GALNT17: variants seen among roughly 807,000 people sequenced by gnomAD.
The protein encoded by GALNT17 is UDP-GalNAc:polypeptide N-acetylgalactosaminyltransferase-like 3.
A neutral mutation model predicts 63.7 loss-of-function variants in GALNT17; 29 were observed. That is an observed-to-expected ratio of 0.46 (90% CI 0.34 to 0.62). The LOEUF (loss-of-function observed/expected upper bound fraction) is 0.62. Ranked by LOEUF, GALNT17 falls within the 20% of genes least tolerant of loss-of-function variation. GALNT17 has a pLI of 0.01. For missense variants in GALNT17, 603 were observed against 799.6 expected, an observed-to-expected ratio of 0.75 and a Z score of 2.97; for synonymous variants, 305 against 318.3, an observed-to-expected ratio of 0.96 and a Z score of 0.45.
chr7:71,265,115 TATA>T lies in GALNT17; in HGVS notation c.239-70434_239-70432del, dbSNP rs1254459672. 5.1e-3 allele frequency among the ~76,000 whole-genome samples: 263 copies of T among 51,668 alleles called. 4 individuals are homozygous for T. Among genetic ancestry groups the T allele is most frequent in the African/African-American group, 0.014 (233 of 16,790 alleles). The allele number at this position is 51,668 out of a possible 152,430, so 33.9% of individuals were successfully genotyped here. ...CATAAATATTATATATATATATATA[TATA>T]TTTTTTTTTTTTTTTTTTTTTTTTT... On this transcript the variant is annotated intron_variant, in intron 1 of 10. Coordinates refer to ENST00000333538, the MANE Select transcript of GALNT17 (RefSeq NM_022479.3).
At chr7:71,197,793 G>C (rs1027270272) in intron 1 of GALNT17, among the ~76,000 whole-genome samples, 1 of 152,136 alleles carries the variant, frequency 6.6e-6, no homozygotes. Context: ...TCTTTTTAGG[G>C]CTGAATAGTA....
chr7:71,598,089 G>A (rs376039400), intron 6 of GALNT17, among the ~76,000 whole-genome samples: 4 of 151,816 alleles, frequency 2.6e-5, no homozygotes, highest in Admixed American at 6.6e-5. Flanking sequence ...GACTACAGGC[G>A]CACGCCACCA....
chr7:71,511,799 C>T (rs1232516340), intron 5 of GALNT17, among the ~76,000 whole-genome samples: 2 of 152,154 alleles, frequency 1.3e-5, no homozygotes, highest in African/African-American at 4.8e-5. Context: ...CAACAGACAT[C>T]TCTGATGCTG....
At chr7:71,537,138 A>C (rs1444560251) in intron 5 of GALNT17, among the ~76,000 whole-genome samples, 1 of 152,090 alleles carries the variant, frequency 6.6e-6, no homozygotes, top group Non-Finnish European at 1.5e-5. Flanking sequence ...TTTCTCCTAA[A>C]TTGATCTCTC....
chr7:71,548,397 C>A (rs1368723837), intron 5 of GALNT17, among the ~76,000 whole-genome samples: 4 of 152,262 alleles, frequency 2.6e-5, no homozygotes, highest in African/African-American at 9.6e-5. Context: ...AGGGGTTTGG[C>A]CTTGTGGCCA....
chr7:71,373,953 C>T (rs1792675085), intron 2 of GALNT17, among the ~76,000 whole-genome samples: 1 of 152,176 alleles, frequency 6.6e-6, no homozygotes, highest in South Asian at 2.1e-4. Context: ...TCCTTTTCCA[C>T]AGTTTTGTTA....
chr7:71,616,992 T>A (rs1790220144), intron 6 of GALNT17, among the ~76,000 whole-genome samples: 1 of 98,002 alleles, frequency 1.0e-5, no homozygotes, highest in South Asian at 3.0e-4. Context: ...TATATTAATA[T>A]ATAAATATAT....
intron 1 of GALNT17, among the ~76,000 whole-genome samples, chr7:71,308,935 G>T (rs1791360112): frequency 6.6e-6 from 1 of 151,828 alleles, no homozygotes; most frequent in African/African-American, 2.4e-5. Context: ...GTAGAGACGG[G>T]GTTTCACCAT....
chr7:71,615,364 C>T (rs1437323484), intron 6 of GALNT17, among the ~76,000 whole-genome samples: 3 of 151,874 alleles, frequency 2.0e-5, no homozygotes, highest in Non-Finnish European at 2.9e-5. Flanking sequence ...ACCTCCGAGT[C>T]ACTGATACTG....
chr7:71,230,472 T>C (rs1789767672), intron 1 of GALNT17, among the ~76,000 whole-genome samples: 1 of 152,100 alleles, frequency 6.6e-6, no homozygotes, highest in African/African-American at 2.4e-5. Context: ...CTTTCTCTTC[T>C]TTTCCACGCA....
intron 1 of GALNT17, among the ~76,000 whole-genome samples, chr7:71,328,043 T>G (rs1791734192): frequency 6.6e-6 from 1 of 152,262 alleles, no homozygotes; most frequent in East Asian, 1.9e-4. Context: ...GTCTTTCTCC[T>G]AGAGTATGCA....
At chr7:71,394,059 A>G (rs1369757827) in intron 3 of GALNT17, among the ~76,000 whole-genome samples, 1 of 152,180 alleles carries the variant, frequency 6.6e-6, no homozygotes, top group East Asian at 1.9e-4. Flanking sequence ...TCTACAAAGA[A>G]TACTTGAGTC....
chr7:71,134,937 A>G, intron 1 of GALNT17, among the ~76,000 whole-genome samples: 1 of 141,900 alleles, frequency 7.0e-6, no homozygotes. Flanking sequence ...CTGAAGCTTC[A>G]AACTCCTGGG....
At chr7:71,563,018 C>T (rs1259651095) in intron 5 of GALNT17, among the ~76,000 whole-genome samples, 1 of 152,176 alleles carries the variant, frequency 6.6e-6, no homozygotes, top group Non-Finnish European at 1.5e-5. Flanking sequence ...CGGGCTGCCA[C>T]CCTCTTCTCA....
At chr7:71,546,679 C>G (rs1308979715) in intron 5 of GALNT17, among the ~76,000 whole-genome samples, 1 of 152,204 alleles carries the variant, frequency 6.6e-6, no homozygotes, top group African/African-American at 2.4e-5. Context: ...CTCTTACTCA[C>G]CTAAAAGCAT....
chr7:71,292,672 T>A (rs4719102), intron 1 of GALNT17, among the ~76,000 whole-genome samples: 1,907 of 67,362 alleles, frequency 0.028, 21 homozygotes, highest in East Asian at 0.084. Context: ...AGAGAGAGTG[T>A]GTGTGTGTGT....
chr7:71,572,504 TAAAA>T (rs371372359), intron 6 of GALNT17, among the ~76,000 whole-genome samples: 1 of 44,500 alleles, frequency 2.2e-5, no homozygotes, highest in Non-Finnish European at 3.7e-5. Flanking sequence ...CCTGTCTCAT[TAAAA>T]AAAAAAAAAA....
At chr7:71,474,314 G>C (rs1052358997) in intron 5 of GALNT17, among the ~76,000 whole-genome samples, 2 of 151,956 alleles carry the variant, frequency 1.3e-5, no homozygotes, top group Non-Finnish European at 2.9e-5. Context: ...AATTTTTTTT[G>C]ACCTGTATCT....
chr7:71,578,860 C>A (rs1266537713), intron 6 of GALNT17, among the ~76,000 whole-genome samples: 1 of 152,090 alleles, frequency 6.6e-6, no homozygotes, highest in Non-Finnish European at 1.5e-5. Context: ...TCCATGTTAA[C>A]CAAGAGAGAT....
Sources: gnomAD v4.1 joint callset for allele counts (sites outside exome capture counted in the v4.1 genomes callset) on GRCh38, gnomAD v4.1.1 for gene constraint, MANE v1.5 for transcripts, NCBI Gene and HGNC (gene_info 2026-07-23, HGNC 2026-07-21) for gene names.